Variants in PARP8 observed in about 807,000 individuals in gnomAD.
PARP8 encodes the protein protein mono-ADP-ribosyltransferase PARP8.
In PARP8, 51 loss-of-function variants were observed where a neutral mutation model predicts 124.1. The ratio of observed to expected loss-of-function variants is 0.41; its 90% CI spans 0.33 to 0.52. The LOEUF (loss-of-function observed/expected upper bound fraction) is 0.52. Among genes scored for constraint, PARP8 ranks in the 20% least tolerant of loss-of-function variants. The pLI is 0.21. For missense variants in PARP8, 860 were observed against 1,018.9 expected, an observed-to-expected ratio of 0.84 and a Z score of 2.12; for synonymous variants, 391 against 361.5, an observed-to-expected ratio of 1.08 and a Z score of -0.93.
chr5:50,838,618 C>A (rs1747840313), intron 25 of PARP8, among the ~76,000 whole-genome samples: 1 of 152,026 alleles, frequency 6.6e-6, no homozygotes, highest in Admixed American at 6.6e-5. Flanking sequence ...ATACCATATT[C>A]ATTTCCCTAA....
chr5:50,818,310 C>T (rs11955934), intron 15 of PARP8, among the ~76,000 whole-genome samples: 1 of 151,792 alleles, frequency 6.6e-6, no homozygotes, highest in Non-Finnish European at 1.5e-5. Context: ...GTCATTGTAA[C>T]CTCTGCCTCA....
At chr5:50,680,237 T>G (rs1325540291) in intron 2 of PARP8, among the ~76,000 whole-genome samples, 1 of 152,200 alleles carries the variant, frequency 6.6e-6, no homozygotes, top group African/African-American at 2.4e-5. Context: ...TTTCACAACT[T>G]CCTCCCCTTT....
chr5:50,773,658 A>T (rs1359752975), intron 7 of PARP8, among the ~76,000 whole-genome samples: 1 of 151,824 alleles, frequency 6.6e-6, no homozygotes, highest in Non-Finnish European at 1.5e-5. Flanking sequence ...CTTTCATGTG[A>T]ATTTTAGAAT....
intron 7 of PARP8, among the ~76,000 whole-genome samples, chr5:50,766,986 C>T (rs909946755): frequency 7.2e-5 from 11 of 152,238 alleles, no homozygotes; most frequent in African/African-American, 2.4e-4. Flanking sequence ...TCTGGTTCTC[C>T]TGTTCTGGTC....
intron 7 of PARP8, among the ~76,000 whole-genome samples, chr5:50,775,648 T>C (rs574342646): frequency 1.1e-4 from 17 of 152,380 alleles, no homozygotes; most frequent in Non-Finnish European, 2.1e-4. Flanking sequence ...TATTTTATTT[T>C]TCATAGCTGT....
intron 2 of PARP8, among the ~76,000 whole-genome samples, chr5:50,673,481 AAC>A (rs1750272185): frequency 6.6e-6 from 1 of 152,224 alleles, no homozygotes; most frequent in Non-Finnish European, 1.5e-5. Flanking sequence ...GTTTCCAAAA[AAC>A]ACAAATAAGT....
chr5:50,810,952 G>A (rs1266072359), intron 14 of PARP8, among the ~76,000 whole-genome samples: 7 of 151,994 alleles, frequency 4.6e-5, no homozygotes, highest in South Asian at 4.1e-4. Flanking sequence ...TTATAAGAAC[G>A]TATTCCTTAC....
chr5:50,810,856 T>TTTACTAGCA (rs1237929225), intron 14 of PARP8, among the ~76,000 whole-genome samples: 11 of 152,196 alleles, frequency 7.2e-5, no homozygotes, highest in African/African-American at 2.6e-4. Flanking sequence ...TTTACTAGCA[T>TTTACTAGCA]TTACTTAGTA....
At chr5:50,822,550 G>T (rs1276489674) in intron 17 of PARP8, 150 bp downstream of exon 17, 1 of 606,188 alleles carries the variant, frequency 1.6e-6, no homozygotes, top group African/African-American at 1.9e-5. Flanking sequence ...CAGTGTACTA[G>T]CATGTAACAC....
intron 4 of PARP8, 118 bp downstream of exon 4, chr5:50,759,850 C>A (rs1561340453): frequency 1.2e-5 from 14 of 1,173,968 alleles, no homozygotes; most frequent in Non-Finnish European, 1.6e-5. Context: ...GTCTATAAAT[C>A]CAGTCTCCAT....
intron 15 of PARP8, among the ~76,000 whole-genome samples, chr5:50,817,236 A>G (rs73102885): frequency 2.4e-4 from 36 of 152,376 alleles, no homozygotes; most frequent in African/African-American, 7.7e-4. Context: ...AATGAAATTC[A>G]AATTATATAA....
At chr5:50,714,804 G>T (rs890546086) in intron 2 of PARP8, among the ~76,000 whole-genome samples, 4 of 152,060 alleles carry the variant, frequency 2.6e-5, no homozygotes, top group African/African-American at 9.7e-5. Flanking sequence ...CTGACTGTGT[G>T]TACAAGACTG....
chr5:50,748,581 G>GA (rs1472387389), intron 2 of PARP8, among the ~76,000 whole-genome samples: 2 of 152,106 alleles, frequency 1.3e-5, no homozygotes, highest in Non-Finnish European at 2.9e-5. Context: ...TCTTTTATCT[G>GA]AAAGTTGTTT....
chr5:50,801,534 G>A (rs1017457143), intron 14 of PARP8, among the ~76,000 whole-genome samples: 11 of 152,164 alleles, frequency 7.2e-5, no homozygotes, highest in African/African-American at 2.7e-4. Flanking sequence ...TGTCTGCAGA[G>A]TTTTAGTGAT....
At chr5:50,695,391 C>T (rs536759223) in intron 2 of PARP8, among the ~76,000 whole-genome samples, 4 of 152,146 alleles carry the variant, frequency 2.6e-5, no homozygotes, top group Non-Finnish European at 4.4e-5. Context: ...CTTAGTCATT[C>T]AGGCCTCCTA....
At chr5:50,811,449 T>G (rs1486445325) in intron 14 of PARP8, among the ~76,000 whole-genome samples, 4 of 152,060 alleles carry the variant, frequency 2.6e-5, no homozygotes, top group African/African-American at 9.7e-5. Context: ...TACCTAGGAT[T>G]GGTGACAAAG....
chr5:50,667,045 G>T lies in PARP8; in HGVS notation c.-51G>T. The T allele has an allele frequency of 6.3e-7, 1 of 1,595,886 alleles. No individual in the cohort carries two copies. On this transcript the variant is annotated 5_prime_UTR_variant, in exon 1 of 26. Coordinates refer to ENST00000281631, the MANE Select transcript of PARP8 (RefSeq NM_024615.4). ...TACGAAAGCTGGAAGCGTGCGAGGG[G>T]GGTGGGGTGGGGTGGAAATAGCGGC... is the stretch of plus-strand genomic sequence containing the variant.
intron 3 of PARP8, among the ~76,000 whole-genome samples, chr5:50,752,936 A>G (rs1446383786): frequency 6.6e-6 from 1 of 152,092 alleles, no homozygotes; most frequent in Admixed American, 6.6e-5. Flanking sequence ...ATTAACTTGT[A>G]CCATCTATTG....
At chr5:50,746,600 C>T (rs1249770542) in intron 2 of PARP8, among the ~76,000 whole-genome samples, 1 of 152,144 alleles carries the variant, frequency 6.6e-6, no homozygotes, top group Non-Finnish European at 1.5e-5. Flanking sequence ...CTTTGTCTGT[C>T]ATATTTATGT....
Sources: gnomAD v4.1 joint callset for allele counts (sites outside exome capture counted in the v4.1 genomes callset) on GRCh38, gnomAD v4.1.1 for gene constraint, MANE v1.5 for transcripts, NCBI Gene and HGNC (gene_info 2026-07-23, HGNC 2026-07-21) for gene names.